Variants in RIT2 observed in about 807,000 individuals in gnomAD.
The protein encoded by RIT2 is GTP-binding protein Rit2.
RIT2 carries 24 observed loss-of-function variants against 23.7 expected under a neutral mutation model. That is an observed-to-expected ratio of 1.01 (90% CI 0.73 to 1.43). RIT2 has a LOEUF of 1.43. Among genes scored for constraint, RIT2 ranks in the 40% most tolerant of loss-of-function variants. The pLI is 0.00. For synonymous variants in RIT2, 107 were observed against 91.1 expected (o/e 1.17, Z -0.99); for missense variants, 236 against 266.9 (o/e 0.88, Z 0.81).
intron 4 of RIT2, among the ~76,000 whole-genome samples, chr18:42,844,481 G>C (rs1012963242): frequency 6.6e-6 from 1 of 152,138 alleles, no homozygotes; most frequent in Non-Finnish European, 1.5e-5. Context: ...GGAAGCTGGA[G>C]AGAGGATGGG....
chr18:42,761,791 C>T (rs945173213), intron 4 of RIT2, among the ~76,000 whole-genome samples: 1 of 152,174 alleles, frequency 6.6e-6, no homozygotes, highest in Non-Finnish European at 1.5e-5. Context: ...GATTTTCATG[C>T]CTCAGCCTCT....
chr18:43,026,550 C>CA (rs35695020), intron 2 of RIT2, among the ~76,000 whole-genome samples: 22,705 of 97,186 alleles, frequency 0.23, 2,677 homozygotes, highest in Admixed American at 0.32. Flanking sequence ...AAGACTCTGT[C>CA]AAAAAAAAAA....
intron 4 of RIT2, among the ~76,000 whole-genome samples, chr18:42,890,275 T>C (rs1568022553): frequency 6.6e-6 from 1 of 151,372 alleles, no homozygotes; most frequent in East Asian, 1.9e-4. Flanking sequence ...CATCCTATTA[T>C]AAAAAAAAAT....
intron 3 of RIT2, among the ~76,000 whole-genome samples, chr18:42,960,379 A>G (rs1226310654): frequency 6.6e-6 from 1 of 152,150 alleles, no homozygotes; most frequent in Non-Finnish European, 1.5e-5. Context: ...CAGTGGCACG[A>G]TCTCAGCTCA....
chr18:42,947,124 T>C (rs1909747043), intron 3 of RIT2, among the ~76,000 whole-genome samples: 1 of 152,130 alleles, frequency 6.6e-6, no homozygotes, highest in African/African-American at 2.4e-5. Flanking sequence ...GCTAGATTTA[T>C]GTTAGTTCTT....
chr18:42,744,309 A>G (rs1912868831), intron 4 of RIT2, among the ~76,000 whole-genome samples: 1 of 152,168 alleles, frequency 6.6e-6, no homozygotes, highest in African/African-American at 2.4e-5. Flanking sequence ...GAAACTGTGG[A>G]CCTCAGTCAC....
intron 4 of RIT2, among the ~76,000 whole-genome samples, chr18:42,825,305 AT>A (rs1413787144): frequency 6.6e-6 from 1 of 151,908 alleles, no homozygotes; most frequent in Admixed American, 6.6e-5. Flanking sequence ...TAGATTAAGA[AT>A]TTAGTTCTAA....
chr18:42,900,426 T>C (rs1908445259), intron 4 of RIT2, among the ~76,000 whole-genome samples: 1 of 152,056 alleles, frequency 6.6e-6, no homozygotes, highest in African/African-American at 2.4e-5. Flanking sequence ...CGAATCCCCA[T>C]ATACAAATAA....
chr18:43,100,388 A>C (rs941285267), intron 1 of RIT2, among the ~76,000 whole-genome samples: 2 of 152,162 alleles, frequency 1.3e-5, no homozygotes, highest in African/African-American at 4.8e-5. Flanking sequence ...GAGGGAGGTT[A>C]GTAGGACATG....
intron 4 of RIT2, among the ~76,000 whole-genome samples, chr18:42,750,486 C>A (rs1240508832): frequency 6.6e-6 from 1 of 151,814 alleles, no homozygotes; most frequent in Non-Finnish European, 1.5e-5. Context: ...ACATGCAGCA[C>A]TCCCTTTGAA....
intron 2 of RIT2, among the ~76,000 whole-genome samples, chr18:43,006,830 A>G (rs1911239496): frequency 6.6e-6 from 1 of 151,482 alleles, no homozygotes; most frequent in Admixed American, 6.6e-5. Flanking sequence ...AAAAGAGAAG[A>G]ATTTAAAATT....
At chr18:42,870,600 GA>G in intron 4 of RIT2, among the ~76,000 whole-genome samples, 1 of 152,038 alleles carries the variant, frequency 6.6e-6, no homozygotes, top group Non-Finnish European at 1.5e-5. Flanking sequence ...AAATCCTTTT[GA>G]AACAAGGACT....
At chr18:43,022,126 TA>T (rs910673746) in intron 2 of RIT2, among the ~76,000 whole-genome samples, 1 of 152,040 alleles carries the variant, frequency 6.6e-6, no homozygotes, top group African/African-American at 2.4e-5. Context: ...TACTTGGCCA[TA>T]AAAAAATGAA....
chr18:43,079,688 T>C (rs1262203065), intron 1 of RIT2, among the ~76,000 whole-genome samples: 1 of 152,210 alleles, frequency 6.6e-6, no homozygotes, highest in Non-Finnish European at 1.5e-5. Context: ...CCATTTGATA[T>C]TTTAAGCGTC....
chr18:42,886,370 T>A (rs1797488272), intron 4 of RIT2, among the ~76,000 whole-genome samples: 1 of 152,194 alleles, frequency 6.6e-6, no homozygotes, highest in African/African-American at 2.4e-5. Context: ...AAAATTATGC[T>A]AGACATGACA....
At chr18:43,003,884 C>CT (rs1911166721) in intron 2 of RIT2, among the ~76,000 whole-genome samples, 2 of 151,090 alleles carry the variant, frequency 1.3e-5, no homozygotes, top group African/African-American at 4.9e-5. Flanking sequence ...TGTCTTGCTC[C>CT]TTATTTTGAA....
rs1912820074 is a variant in RIT2, at chr18:43,068,440, C to A, written c.104-34573G>T. Among the ~76,000 whole-genome samples the A allele has an allele frequency of 2.0e-5, 3 of 152,028 alleles. No homozygotes were observed. The South Asian group carries it at 6.2e-4, about 32-fold the overall frequency. On this transcript the variant is annotated intron_variant, in intron 1 of 4. Coordinates refer to ENST00000326695, the MANE Select transcript of RIT2 (RefSeq NM_002930.4). ...AGAGGAGCTTTGACAATAGCAGAAA[C>A]CCAGGGAACAGCAGCAATTTTATAT... is the stretch of plus-strand genomic sequence containing the variant.
chr18:42,878,620 T>C (rs1907807650), intron 4 of RIT2, among the ~76,000 whole-genome samples: 1 of 150,920 alleles, frequency 6.6e-6, no homozygotes, highest in African/African-American at 2.4e-5. Flanking sequence ...AGTTATATAA[T>C]CAAACACTGC....
chr18:43,014,774 T>C (rs930410376), intron 2 of RIT2, among the ~76,000 whole-genome samples: 1 of 151,608 alleles, frequency 6.6e-6, no homozygotes, highest in African/African-American at 2.4e-5. Flanking sequence ...TTTAAAACCA[T>C]GAATAAGTTA....
Sources: gnomAD v4.1 joint callset for allele counts (sites outside exome capture counted in the v4.1 genomes callset) on GRCh38, gnomAD v4.1.1 for gene constraint, MANE v1.5 for transcripts, NCBI Gene and HGNC (gene_info 2026-07-23, HGNC 2026-07-21) for gene names.